The following GTF2F2 variants were observed in gnomAD, a reference collection of about 807,000 sequenced individuals.
GTF2F2 encodes the protein ATP-dependent helicase GTF2F2.
A neutral mutation model predicts 42.2 loss-of-function variants in GTF2F2; 23 were observed. The ratio of observed to expected loss-of-function variants is 0.55; its 90% CI spans 0.39 to 0.77. GTF2F2 has a LOEUF of 0.77. GTF2F2 is among the 30% of genes least tolerant of loss of function. The pLI is 0.00. For synonymous variants in GTF2F2, 105 were observed against 100.8 expected (o/e 1.04, Z -0.25); for missense variants, 261 against 287.2 (o/e 0.91, Z 0.66).
chr13:45,170,604 C>T (rs1871546422), intron 4 of GTF2F2, among the ~76,000 whole-genome samples: 1 of 152,060 alleles, frequency 6.6e-6, no homozygotes, highest in Non-Finnish European at 1.5e-5. Flanking sequence ...AACTGTCTTT[C>T]TGAGTAAATT....
chr13:45,133,897 C>T (rs1183997145), intron 1 of GTF2F2, among the ~76,000 whole-genome samples: 2 of 152,172 alleles, frequency 1.3e-5, no homozygotes, highest in Admixed American at 6.5e-5. Context: ...TGAGTGCACT[C>T]ATTAAAGATA....
intron 6 of GTF2F2, among the ~76,000 whole-genome samples, chr13:45,259,084 A>G (rs1876224136): frequency 1.3e-5 from 2 of 152,040 alleles, no homozygotes; most frequent in Admixed American, 1.3e-4. Flanking sequence ...TTGTCTAGAC[A>G]TTTGTTTTCG....
intron 4 of GTF2F2, among the ~76,000 whole-genome samples, chr13:45,176,952 A>G (rs928813469): frequency 6.0e-5 from 9 of 150,476 alleles, no homozygotes; most frequent in South Asian, 2.1e-4. Flanking sequence ...TGCGTAGCTA[A>G]TTTTTTTTTG....
intron 5 of GTF2F2, among the ~76,000 whole-genome samples, chr13:45,215,978 G>T (rs1873869324): frequency 6.6e-6 from 1 of 152,064 alleles, no homozygotes; most frequent in Non-Finnish European, 1.5e-5. Flanking sequence ...GAGGCCTGGT[G>T]CAGTGGCTCA....
intron 6 of GTF2F2, among the ~76,000 whole-genome samples, chr13:45,266,819 G>A (rs921506045): frequency 1.3e-5 from 2 of 152,136 alleles, no homozygotes; most frequent in African/African-American, 2.4e-5. Context: ...CTGCTGCCTC[G>A]AAACTTACGA....
At chr13:45,127,820 A>G (rs1231631441) in intron 1 of GTF2F2, among the ~76,000 whole-genome samples, 1 of 149,404 alleles carries the variant, frequency 6.7e-6, no homozygotes, top group Non-Finnish European at 1.5e-5. Flanking sequence ...TTTGGTAGAG[A>G]CGGGGTTTCG....
intron 5 of GTF2F2, among the ~76,000 whole-genome samples, chr13:45,211,675 C>A (rs1262698928): frequency 2.6e-5 from 4 of 151,072 alleles, no homozygotes; most frequent in African/African-American, 9.7e-5. Flanking sequence ...GCAACCTCCG[C>A]CTCCTGGGTT....
At chr13:45,248,242 CAAAT>C (rs1490283831) in intron 5 of GTF2F2, among the ~76,000 whole-genome samples, 18 of 152,106 alleles carry the variant, frequency 1.2e-4, no homozygotes, top group Non-Finnish European at 1.0e-4. Context: ...TACATTGTGA[CAAAT>C]AGATATGCGT....
intron 5 of GTF2F2, among the ~76,000 whole-genome samples, chr13:45,224,853 T>C (rs1179470128): frequency 6.6e-6 from 1 of 152,238 alleles, no homozygotes; most frequent in East Asian, 1.9e-4. Context: ...TATCAAGATA[T>C]TCTGCAGTCA....
At chr13:45,222,146 T>A (rs1305625957) in intron 5 of GTF2F2, among the ~76,000 whole-genome samples, 1 of 152,202 alleles carries the variant, frequency 6.6e-6, no homozygotes, top group African/African-American at 2.4e-5. Context: ...TAATTAATTA[T>A]GACATACTGA....
At chr13:45,146,870 GGTC>G (rs2138113786) in intron 2 of GTF2F2, among the ~76,000 whole-genome samples, 1 of 152,288 alleles carries the variant, frequency 6.6e-6, no homozygotes, top group African/African-American at 2.4e-5. Flanking sequence ...TTTGCACACA[GGTC>G]ATCATACAAA....
At chr13:45,131,069 A>G (rs1394433306) in intron 1 of GTF2F2, among the ~76,000 whole-genome samples, 1 of 152,110 alleles carries the variant, frequency 6.6e-6, no homozygotes, top group Non-Finnish European at 1.5e-5. Flanking sequence ...CCTGACCAAC[A>G]TGGAGAAACC....
intron 4 of GTF2F2, among the ~76,000 whole-genome samples, chr13:45,174,921 C>G (rs1013437644): frequency 2.6e-5 from 4 of 152,172 alleles, no homozygotes; most frequent in Admixed American, 2.6e-4. Context: ...GTTAGCATAT[C>G]TGTCACCTCA....
At position 45,151,810 on chromosome 13, in the gene GTF2F2, G is replaced by A; in HGVS notation, c.283G>A (p.Val95Ile). 1 of 1,505,218 alleles carries A rather than the reference G, an allele frequency of 6.6e-7. No homozygotes were observed. The highest frequency in any genetic ancestry group is 9.0e-7 in the Non-Finnish European group (1 of 1,112,458). 93.2% of individuals were successfully genotyped at this position (1,505,218 alleles called of 1,614,324 possible). A position where few individuals can be genotyped will look rare whatever the true frequency, so the allele number is the denominator to read the frequency against. Reference protein sequence around the residue: ...LQSVGGQTLTVFTESSSDKLS... With the variant: ...LQSVGGQTLTIFTESSSDKLS... ...AAGTGTTGGAGGACAGACATTAACA[G>A]TATTTACTGAGAGCTCATCAGGTAA... Residue 95 changes from valine (V) to isoleucine (I), a missense_variant, in exon 4 of 8, where the codon GTA becomes ATA. Physicochemically the swap from Val to Ile is conservative, Grantham distance 29 (BLOSUM62 3). Coordinates refer to ENST00000340473, the MANE Select transcript of GTF2F2 (RefSeq NM_004128.3).
At chr13:45,269,141 C>T (rs959175317) in intron 7 of GTF2F2, among the ~76,000 whole-genome samples, 4 of 152,280 alleles carry the variant, frequency 2.6e-5, no homozygotes, top group Non-Finnish European at 5.9e-5. Context: ...TAAATTGCCT[C>T]AATAAGCATA....
At chr13:45,261,563 G>A (rs538835910) in intron 6 of GTF2F2, among the ~76,000 whole-genome samples, 13 of 152,100 alleles carry the variant, frequency 8.5e-5, no homozygotes, top group South Asian at 2.1e-4. Flanking sequence ...AGTCAGTTGC[G>A]CAGTGATCTG....
chr13:45,189,141 G>T (rs1872535695), intron 4 of GTF2F2, among the ~76,000 whole-genome samples: 1 of 152,130 alleles, frequency 6.6e-6, no homozygotes, highest in African/African-American at 2.4e-5. Context: ...TTACGAGTGA[G>T]AACATGTGGT....
intron 5 of GTF2F2, among the ~76,000 whole-genome samples, chr13:45,235,542 G>C (rs1874926051): frequency 6.6e-6 from 1 of 151,370 alleles, no homozygotes; most frequent in Non-Finnish European, 1.5e-5. Context: ...ATTAAATGGA[G>C]ATTTGATGAA....
intron 4 of GTF2F2, among the ~76,000 whole-genome samples, chr13:45,171,477 A>G (rs1871597172): frequency 6.6e-6 from 1 of 152,186 alleles, no homozygotes; most frequent in Admixed American, 6.5e-5. Context: ...TACCTTTGCA[A>G]TGAGTAAGAA....
Sources: allele counts gnomAD v4.1 joint callset (sites outside exome capture counted in the v4.1 genomes callset), GRCh38; gene constraint gnomAD v4.1.1; transcripts MANE v1.5; gene names NCBI Gene and HGNC (gene_info 2026-07-23, HGNC 2026-07-21).